The following STON2 variants were observed in gnomAD, a reference collection of about 807,000 sequenced individuals.
The protein encoded by STON2 is stonin 2, also known as stonin-2.
Under a neutral mutation model 65.7 loss-of-function variants are expected in STON2, and 29 were observed. That is an observed-to-expected ratio of 0.44 (90% CI 0.33 to 0.60). The LOEUF is 0.60. STON2 is among the 20% of genes least tolerant of loss of function. The pLI is 0.03. For synonymous variants in STON2, 404 were observed against 414.2 expected (o/e 0.98, Z 0.30); for missense variants, 1,054 against 1,118.1 (o/e 0.94, Z 0.82).
At position 81,409,600 on chromosome 14, in the gene STON2, A is replaced by G. The variant is rs1374816948; in HGVS notation, c.-198-11020T>C. Among the ~76,000 whole-genome samples the G allele has an allele frequency of 2.6e-5, 4 of 152,144 alleles. No homozygotes were observed. In the East Asian group the frequency reaches 7.7e-4, roughly 29 times the overall value. On this transcript the variant is annotated intron_variant, in intron 2 of 8. Transcript: ENST00000553821. Reference sequence around the variant, plus strand: ...TCACTTTTACAGTAACCCTGAGATAAGTAAAGCAAATATTTCTCCCACTTG... The same window carrying G: ...TCACTTTTACAGTAACCCTGAGATAGGTAAAGCAAATATTTCTCCCACTTG...
chr14:81,389,522 G>A (rs1899978598), intron 3 of STON2, among the ~76,000 whole-genome samples: 1 of 152,208 alleles, frequency 6.6e-6, no homozygotes, highest in Non-Finnish European at 1.5e-5. Flanking sequence ...GTGGATAAAT[G>A]AGAAATTGAT....
chr14:81,332,037 C>A (rs529560843), intron 4 of STON2, among the ~76,000 whole-genome samples: 17 of 152,294 alleles, frequency 1.1e-4, no homozygotes, highest in African/African-American at 4.1e-4. Context: ...GGGGTTACAA[C>A]CCCCTTAGAA....
At chr14:81,302,886 C>G (rs952435609) in intron 5 of STON2, among the ~76,000 whole-genome samples, 1 of 152,216 alleles carries the variant, frequency 6.6e-6, no homozygotes, top group Non-Finnish European at 1.5e-5. Flanking sequence ...GTGCCGTACA[C>G]AGAATGAACA....
chr14:81,420,570 G>C (rs1305439343), intron 2 of STON2, among the ~76,000 whole-genome samples: 1 of 152,166 alleles, frequency 6.6e-6, no homozygotes, highest in Non-Finnish European at 1.5e-5. Flanking sequence ...GGTGTGACCA[G>C]GGCAATGAGG....
At position 81,324,085 on chromosome 14, in the gene STON2, G is replaced by A. The variant is rs1896920041; in HGVS notation, c.674C>T (p.Pro225Leu). The change falls in exon 5 of 8, where the codon CCA becomes CTA. Residue 225 changes from proline to leucine, a missense_variant. Physicochemically the swap from Pro to Leu is moderately conservative, Grantham distance 98 (BLOSUM62 -3). Coordinates refer to ENST00000614646, the MANE Select transcript of STON2 (RefSeq NM_001394390.1). Reference sequence around the variant, plus strand: ...GCTCCTCTTGGGCTGGGGTGAGGGTGGCGAGGGGTCCAGGCGGTGGGTGCG... The same window carrying A: ...GCTCCTCTTGGGCTGGGGTGAGGGTAGCGAGGGGTCCAGGCGGTGGGTGCG... ...STRTHRLDPS[P>L]PSPQPKRSQN... Among the ~76,000 whole-genome samples, 1 of 152,240 alleles carries A rather than the reference G, an allele frequency of 6.6e-6. No individual in the cohort carries two copies. Among genetic ancestry groups the A allele is most frequent in the South Asian group, 2.1e-4 (1 of 4,828 alleles).
Position 81,262,319 on chromosome 14 carries a change from C to T in STON2, c.*6095G>A, listed in dbSNP as rs781596822. The T allele has an allele frequency of 5.1e-6, 5 of 985,350 alleles. No individual in the cohort carries two copies. Among genetic ancestry groups the T allele is most frequent in the Admixed American group, 6.1e-5 (1 of 16,274 alleles). The allele number at this position is 985,350 out of a possible 1,614,324, so 61.0% of individuals were successfully genotyped here. ...TTAAATAAACAATCCTCAATGTCCT[C>T]GTGTCTAGCCTTTCCTCCCTTTAGG... On this transcript the variant is annotated 3_prime_UTR_variant, in exon 8 of 8. Transcript: ENST00000614646.
At chr14:81,416,706 C>CATT (rs1186365509) in intron 2 of STON2, among the ~76,000 whole-genome samples, 1 of 152,190 alleles carries the variant, frequency 6.6e-6, no homozygotes, top group Non-Finnish European at 1.5e-5. Flanking sequence ...TCATCTGGGC[C>CATT]ATTTCAGTCA....
intron 4 of STON2, among the ~76,000 whole-genome samples, chr14:81,335,483 TA>T (rs1184223946): frequency 6.6e-6 from 1 of 152,090 alleles, no homozygotes; most frequent in African/African-American, 2.4e-5. Flanking sequence ...AGCTGCTGGG[TA>T]AGAATATCCA....
chr14:81,281,125 T>C lies in STON2; in HGVS notation c.743-2386A>G, dbSNP rs192434955. ...CCAGAAACAAAATGAGCGAAAAGCA[T>C]TTTCTATATCTACAGTGACTAAAAA... On this transcript the variant is annotated intron_variant, in intron 5 of 7. Transcript: ENST00000614646. 8.4e-4 allele frequency among the ~76,000 whole-genome samples: 127 copies of C among 152,042 alleles called. 1 individual carries two copies. Among genetic ancestry groups the C allele is most frequent in the African/African-American group, 3.0e-3 (123 of 41,446 alleles).
intron 4 of STON2, among the ~76,000 whole-genome samples, chr14:81,370,579 G>A (rs72703731): frequency 0.014 from 2,140 of 152,284 alleles, 25 homozygotes; most frequent in South Asian, 0.044. Flanking sequence ...TATAACATTC[G>A]TTTTCTCTGC....
At chr14:81,344,407 A>G (rs958430300) in intron 4 of STON2, among the ~76,000 whole-genome samples, 4 of 152,256 alleles carry the variant, frequency 2.6e-5, no homozygotes, top group Non-Finnish European at 5.9e-5. Context: ...ACACTAATAT[A>G]GCAAAATTAA....
At chr14:81,409,367 T>C (rs1901036941) in intron 2 of STON2, among the ~76,000 whole-genome samples, 1 of 151,464 alleles carries the variant, frequency 6.6e-6, no homozygotes, top group South Asian at 2.1e-4. Context: ...ACTGCACTAC[T>C]GCACTCTAGC....
chr14:81,275,986 C>CCA (rs1894801037), intron 6 of STON2, among the ~76,000 whole-genome samples: 1 of 152,210 alleles, frequency 6.6e-6, no homozygotes, highest in Non-Finnish European at 1.5e-5. Flanking sequence ...GCTAGCGTAT[C>CCA]CACTTTCGTT....
Position 81,261,962 on chromosome 14 carries a change from A to T in STON2, c.*6452T>A. On this transcript the variant is annotated 3_prime_UTR_variant, in exon 8 of 8. Coordinates refer to ENST00000614646, the MANE Select transcript of STON2 (RefSeq NM_001394390.1). ...GAAATGATAAAAAAAAAAAAAAAAA[A>T]GAGAGAGATGTGAAAAGGAAAAAGA... The T allele has an allele frequency of 7.1e-7, 1 of 1,416,324 alleles. No homozygotes were observed. The highest frequency in any genetic ancestry group is 9.2e-7 in the Non-Finnish European group (1 of 1,090,034). The allele number at this position is 1,416,324 out of a possible 1,614,324, so 87.7% of individuals were successfully genotyped here.
rs191684250 is a variant in STON2 at position 81,267,438 on chromosome 14, T to C, written c.*976A>G. The C allele has an allele frequency of 2.0e-4, 199 of 985,366 alleles. 1 individual carries two copies. In the African/African-American group the frequency reaches 3.3e-3, roughly 16 times the overall value. The allele number at this position is 985,366 out of a possible 1,614,324, so 61.0% of individuals were successfully genotyped here. ...TTATCTTTGCAGCTTAAATTTCCTA[T>C]AAAGTTGGGTTAAAGGGACATGCAA... is the stretch of plus-strand genomic sequence containing the variant. On this transcript the variant is annotated 3_prime_UTR_variant, in exon 8 of 8. Transcript: ENST00000614646.
chr14:81,265,916 G>T lies in STON2; in HGVS notation c.*2498C>A, dbSNP rs1894342198. ...CGTGAGTGACTAAGGAAGGTGCTGG[G>T]ATGAGCTTCATTTCCCTTGCCAACT... On this transcript the variant is annotated 3_prime_UTR_variant, in exon 8 of 8. Transcript: ENST00000614646. The T allele has an allele frequency of 1.0e-6, 1 of 985,202 alleles. No individual in the cohort carries two copies. The allele number at this position is 985,202 out of a possible 1,614,324, so 61.0% of individuals were successfully genotyped here.
At chr14:81,362,077 T>C (rs1898518748) in intron 4 of STON2, among the ~76,000 whole-genome samples, 2 of 152,152 alleles carry the variant, frequency 1.3e-5, no homozygotes, top group South Asian at 2.1e-4. Flanking sequence ...TGAAAAAGGT[T>C]CCTCAGAAAA....
At chr14:81,402,006 A>G (rs553664360), upstream of STON2, among the ~76,000 whole-genome samples, 144 of 152,276 alleles carry the variant, frequency 9.5e-4, 1 homozygote, top group African/African-American at 3.2e-3. Context: ...TAAAAATCAG[A>G]AGCAGACCTT....
chr14:81,309,675 T>A (rs1013132441), intron 5 of STON2, among the ~76,000 whole-genome samples: 2 of 152,220 alleles, frequency 1.3e-5, no homozygotes, highest in Non-Finnish European at 2.9e-5. Flanking sequence ...CATGATTATG[T>A]ATCTAAGGGA....
Sources: gnomAD v4.1 joint callset for allele counts (sites outside exome capture counted in the v4.1 genomes callset) on GRCh38, gnomAD v4.1.1 for gene constraint, MANE v1.5 for transcripts, NCBI Gene and HGNC (gene_info 2026-07-23, HGNC 2026-07-21) for gene names.